CHRM2: variants seen among roughly 807,000 people sequenced by gnomAD.
CHRM2 encodes muscarinic acetylcholine receptor M2.
A neutral mutation model predicts 25.0 loss-of-function variants in CHRM2; 8 were observed. The ratio of observed to expected loss-of-function variants is 0.32; its 90% CI spans 0.19 to 0.58. The LOEUF is 0.58. Among genes scored for constraint, CHRM2 ranks in the 20% least tolerant of loss-of-function variants. CHRM2 has a pLI of 0.88. For missense variants in CHRM2, 440 were observed against 567.1 expected, an observed-to-expected ratio of 0.78 and a Z score of 2.28; for synonymous variants, 202 against 205.7, an observed-to-expected ratio of 0.98 and a Z score of 0.15.
intron 2 of CHRM2, among the ~76,000 whole-genome samples, chr7:136,874,605 T>G (rs550596079): frequency 8.1e-6 from 1 of 122,778 alleles, no homozygotes; most frequent in African/African-American, 3.1e-5. Context: ...AAATCCAAGC[T>G]TTCACTGAAT....
At chr7:136,928,694 A>G (rs577389243) in intron 2 of CHRM2, among the ~76,000 whole-genome samples, 130 of 152,316 alleles carry the variant, frequency 8.5e-4, no homozygotes, top group African/African-American at 2.5e-3. Context: ...AGCTGCAGCT[A>G]TACCATTCCT....
chr7:136,925,379 C>T (rs1286085656), intron 2 of CHRM2, among the ~76,000 whole-genome samples: 5 of 151,964 alleles, frequency 3.3e-5, no homozygotes, highest in Admixed American at 2.0e-4. Flanking sequence ...CCCCATATTT[C>T]TTAGAGAAAT....
intron 2 of CHRM2, among the ~76,000 whole-genome samples, chr7:136,929,055 G>A (rs1462761246): frequency 6.6e-6 from 1 of 152,094 alleles, no homozygotes; most frequent in Non-Finnish European, 1.5e-5. Context: ...GTTCTATTGT[G>A]TGCAGACGAT....
rs914063502 is a variant in CHRM2 at position 136,981,620 on chromosome 7, G to A, written c.-124-10567G>A. On this transcript the variant is annotated intron_variant, in intron 2 of 3. Transcript: ENST00000680005. ...AAATTTCCCTCTAAACACTGCTTTG[G>A]TGTGTCCCAGAGATCTGGTATGTTG... Among the ~76,000 whole-genome samples the A allele has an allele frequency of 5.3e-5, 8 of 152,098 alleles. No individual in the cohort carries two copies. In the East Asian group the frequency reaches 1.4e-3, roughly 26 times the overall value.
intron 2 of CHRM2, among the ~76,000 whole-genome samples, chr7:136,908,759 G>A (rs1797687087): frequency 6.6e-6 from 1 of 151,826 alleles, no homozygotes; most frequent in African/African-American, 2.4e-5. Context: ...TTTTGTTGAT[G>A]AGTATCCTGC....
chr7:136,995,851 T>C (rs1803563330), intron 3 of CHRM2, among the ~76,000 whole-genome samples: 1 of 151,810 alleles, frequency 6.6e-6, no homozygotes, highest in South Asian at 2.1e-4. Flanking sequence ...TCATATAAAT[T>C]AGCATGAAAA....
chr7:136,898,173 A>G (rs748838844), intron 2 of CHRM2, among the ~76,000 whole-genome samples: 2 of 152,164 alleles, frequency 1.3e-5, no homozygotes, highest in South Asian at 2.1e-4. Flanking sequence ...AAATAGTTTT[A>G]TGTATTTCTC....
chr7:136,929,255 A>G (rs1427393602), intron 2 of CHRM2, among the ~76,000 whole-genome samples: 2 of 148,392 alleles, frequency 1.3e-5, no homozygotes, highest in Non-Finnish European at 3.0e-5. Context: ...CTAAAAGCAC[A>G]TTTTTTTCTT....
chr7:136,882,901 C>T (rs960183072), intron 2 of CHRM2, among the ~76,000 whole-genome samples: 3 of 152,082 alleles, frequency 2.0e-5, no homozygotes, highest in Admixed American at 6.6e-5. Flanking sequence ...ATGATTTAAA[C>T]AGTATATTTT....
At chr7:136,873,793 T>C (rs1795937636) in intron 2 of CHRM2, among the ~76,000 whole-genome samples, 1 of 148,902 alleles carries the variant, frequency 6.7e-6, no homozygotes, top group African/African-American at 2.4e-5. Flanking sequence ...CAACTTTGCA[T>C]GTTTTTGTTA....
At chr7:136,949,459 T>TTAAAAAAAAAAAAAAAAAAAAAA (rs762115539) in intron 2 of CHRM2, among the ~76,000 whole-genome samples, 1 of 120,856 alleles carries the variant, frequency 8.3e-6, no homozygotes, top group African/African-American at 3.3e-5. Flanking sequence ...TCTGCAAAAC[T>TTAAAAAAAAAAAAAAAAAAAAAA]AAAAAAAAAA....
intron 3 of CHRM2, among the ~76,000 whole-genome samples, chr7:137,003,167 C>G (rs975239350): frequency 1.3e-5 from 2 of 152,122 alleles, no homozygotes; most frequent in Non-Finnish European, 2.9e-5. Context: ...ATGAAGCCAG[C>G]ATTTCTGCCA....
At chr7:136,889,445 C>A (rs1346639147) in intron 2 of CHRM2, among the ~76,000 whole-genome samples, 1 of 152,090 alleles carries the variant, frequency 6.6e-6, no homozygotes, top group Non-Finnish European at 1.5e-5. Context: ...TACTGATATC[C>A]AAATGAGGAA....
intron 3 of CHRM2, among the ~76,000 whole-genome samples, chr7:137,002,065 A>C (rs1302129053): frequency 6.6e-6 from 1 of 152,194 alleles, no homozygotes; most frequent in African/African-American, 2.4e-5. Flanking sequence ...AGAGTAAGAA[A>C]GAAAAAATAT....
At chr7:136,978,447 T>C (rs1802255309) in intron 2 of CHRM2, among the ~76,000 whole-genome samples, 1 of 152,138 alleles carries the variant, frequency 6.6e-6, no homozygotes, top group African/African-American at 2.4e-5. Context: ...AGGAGATTTA[T>C]TAGCGCATCT....
At chr7:136,917,074 G>A (rs10266430) in intron 2 of CHRM2, among the ~76,000 whole-genome samples, 11,942 of 150,888 alleles carry the variant, frequency 0.079, 619 homozygotes, top group African/African-American at 0.15. Context: ...ACTCCTTTTT[G>A]CAAATAAGCG....
chr7:137,003,759 C>T (rs561286693), intron 3 of CHRM2, among the ~76,000 whole-genome samples: 1 of 152,184 alleles, frequency 6.6e-6, no homozygotes, highest in East Asian at 1.9e-4. Flanking sequence ...TGTTCCCACC[C>T]AAACCTCATT....
At chr7:136,905,007 A>T (rs1398874403) in intron 2 of CHRM2, among the ~76,000 whole-genome samples, 1 of 151,976 alleles carries the variant, frequency 6.6e-6, no homozygotes, top group African/African-American at 2.4e-5. Flanking sequence ...CAGTACTGTG[A>T]TGATAGCAAA....
At chr7:136,942,464 C>A (rs1348448856) in intron 2 of CHRM2, among the ~76,000 whole-genome samples, 1 of 152,108 alleles carries the variant, frequency 6.6e-6, no homozygotes, top group African/African-American at 2.4e-5. Flanking sequence ...AGCAGGGCAC[C>A]CCTGTAGGAC....
Sources: allele counts gnomAD v4.1 joint callset (sites outside exome capture counted in the v4.1 genomes callset), GRCh38; gene constraint gnomAD v4.1.1; transcripts MANE v1.5; gene names NCBI Gene and HGNC (gene_info 2026-07-23, HGNC 2026-07-21).